DSCAML1: variants seen among roughly 807,000 people sequenced by gnomAD.
DSCAML1 encodes the protein cell adhesion molecule DSCAML1.
A neutral mutation model predicts 200.5 loss-of-function variants in DSCAML1; 38 were observed. The ratio of observed to expected loss-of-function variants is 0.19; its 90% CI spans 0.15 to 0.25. The LOEUF is 0.25. Ranked by LOEUF, DSCAML1 falls within the 10% of genes least tolerant of loss-of-function variation. DSCAML1 has a pLI of 1.00. For synonymous variants in DSCAML1, 1,215 were observed against 1,165.0 expected, an observed-to-expected ratio of 1.04 and a Z score of -0.87; for missense variants, 2,223 against 2,858.8, an observed-to-expected ratio of 0.78 and a Z score of 5.07.
intron 8 of DSCAML1, among the ~76,000 whole-genome samples, chr11:117,511,112 C>T (rs1012651267): frequency 3.9e-5 from 6 of 152,164 alleles, no homozygotes; most frequent in African/African-American, 9.7e-5. Context: ...CCCAGGCATA[C>T]GGCAGAGGCT....
rs1182016243 is a variant in DSCAML1, at chr11:117,504,798, T to G, written c.2182+126A>C. 1 of 1,325,714 alleles carries G rather than the reference T, an allele frequency of 7.5e-7. No individual in the cohort carries two copies. Among genetic ancestry groups the G allele is most frequent in the Non-Finnish European group, 9.9e-7 (1 of 1,014,886 alleles). The allele number at this position is 1,325,714 out of a possible 1,614,324, so 82.1% of individuals were successfully genotyped here. ...AGGTGTAGCCTGGGGTCCACTGGGG[T>G]GCAGACCAGAGGACTCCCATCCAGG... On this transcript the variant is annotated intron_variant, in intron 10 of 32. Coordinates refer to ENST00000651296, the MANE Select transcript of DSCAML1 (RefSeq NM_020693.4). This position sits in a 1 kb window ranked among gnomAD's most constrained non-coding sequence, Gnocchi z 5.0.
Position 117,780,908 on chromosome 11 carries a change from ACCTTCAAG to A in DSCAML1, c.47-106_47-99del. 1.0e-6 allele frequency: 1 copy of A among 955,240 alleles called. No individual in the cohort carries two copies. The highest frequency in any genetic ancestry group is 2.5e-5 in the South Asian group (1 of 39,698). 59.2% of individuals were successfully genotyped at this position (955,240 alleles called of 1,614,324 possible). A position where few individuals can be genotyped will look rare whatever the true frequency, so the allele number is the denominator to read the frequency against. The stretch of plus-strand genomic sequence containing the variant: ...GCGACAGGCTGCACTCATTCACCTG[ACCTTCAAG>A]CATCAGTCATTCAGTATGCACTTAT... On this transcript the variant is annotated intron_variant, in intron 1 of 32. Transcript: ENST00000651296. The surrounding 1 kb of genome is among the most constrained non-coding windows in gnomAD (Gnocchi z 4.8).
chr11:117,456,627 C>G (rs1323188662), intron 19 of DSCAML1, among the ~76,000 whole-genome samples: 1 of 151,182 alleles, frequency 6.6e-6, no homozygotes, highest in Non-Finnish European at 1.5e-5. Context: ...GTGGCCTGGG[C>G]TTCCCCTTGG....
At chr11:117,617,474 G>A (rs564229479) in intron 3 of DSCAML1, among the ~76,000 whole-genome samples, 18 of 152,182 alleles carry the variant, frequency 1.2e-4, no homozygotes, top group East Asian at 5.8e-4. Flanking sequence ...ATCTACACAC[G>A]GCACTGTGGG....
At chr11:117,607,330 G>A (rs1323538545) in intron 3 of DSCAML1, among the ~76,000 whole-genome samples, 1 of 152,206 alleles carries the variant, frequency 6.6e-6, no homozygotes, top group Non-Finnish European at 1.5e-5. Flanking sequence ...AGAGTGGGAG[G>A]TCAGGCTTGC....
chr11:117,643,461 C>A (rs2052453044), intron 3 of DSCAML1, among the ~76,000 whole-genome samples: 2 of 152,194 alleles, frequency 1.3e-5, no homozygotes, highest in African/African-American at 4.8e-5. Context: ...GTGAGGCTGA[C>A]CCTTCAAAGA....
At chr11:117,776,085 T>C (rs1246272712) in intron 3 of DSCAML1, among the ~76,000 whole-genome samples, 1 of 152,148 alleles carries the variant, frequency 6.6e-6, no homozygotes, top group Non-Finnish European at 1.5e-5. Context: ...AGAGGTATTT[T>C]AAAGACCCAA....
chr11:117,646,855 A>G (rs147175989), intron 3 of DSCAML1, among the ~76,000 whole-genome samples: 77 of 117,696 alleles, frequency 6.5e-4, no homozygotes, highest in Admixed American at 9.8e-4. Flanking sequence ...GAGAGAGAGG[A>G]AAAAAAAAAA....
At chr11:117,508,130 C>G (rs995581732) in intron 8 of DSCAML1, among the ~76,000 whole-genome samples, 2 of 152,102 alleles carry the variant, frequency 1.3e-5, no homozygotes, top group East Asian at 3.9e-4. Context: ...TTCCTTAGGC[C>G]TAGAAGAACC....
intron 1 of DSCAML1, among the ~76,000 whole-genome samples, chr11:117,804,419 A>G (rs1020529245): frequency 1.3e-5 from 2 of 152,206 alleles, no homozygotes; most frequent in Non-Finnish European, 2.9e-5. Flanking sequence ...ACAGTCATGT[A>G]CACATGCTTT....
chr11:117,568,593 C>T (rs547238552), intron 3 of DSCAML1, among the ~76,000 whole-genome samples: 74 of 151,638 alleles, frequency 4.9e-4, no homozygotes, highest in African/African-American at 1.8e-3. Context: ...GACAGAGAGC[C>T]AAATCATGAG....
intron 3 of DSCAML1, among the ~76,000 whole-genome samples, chr11:117,619,166 C>A (rs916750593): frequency 6.6e-6 from 1 of 152,220 alleles, no homozygotes; most frequent in Admixed American, 6.5e-5. Context: ...GCTGCCAAGT[C>A]GGCCCAGTGC....
chr11:117,720,083 C>T lies in DSCAML1; in HGVS notation c.511+56708G>A, dbSNP rs994094171. Among the ~76,000 whole-genome samples, 6 of 151,936 alleles carry T rather than the reference C, an allele frequency of 3.9e-5. No individual in the cohort carries two copies. In the East Asian group the frequency reaches 5.8e-4, roughly 15 times the overall value. ...TCCCGGCCCAGGCACTGGATCTCTCCGTGGAAGCTGGAAGGACAGAACCCC... is the reference window on the plus strand; with the variant it reads ...TCCCGGCCCAGGCACTGGATCTCTCTGTGGAAGCTGGAAGGACAGAACCCC... On this transcript the variant is annotated intron_variant, in intron 3 of 32. Transcript: ENST00000651296.
At chr11:117,497,375 C>A (rs749406352) in intron 11 of DSCAML1, among the ~76,000 whole-genome samples, 1 of 152,206 alleles carries the variant, frequency 6.6e-6, no homozygotes, top group Non-Finnish European at 1.5e-5. Flanking sequence ...CTCAGGGCTG[C>A]AGACCTCCTG....
At chr11:117,774,451 T>A (rs2055094674) in intron 3 of DSCAML1, among the ~76,000 whole-genome samples, 3 of 152,194 alleles carry the variant, frequency 2.0e-5, no homozygotes, top group Admixed American at 1.3e-4. Flanking sequence ...GTTCATATAT[T>A]GATTCATTTC....
Position 117,780,571 on chromosome 11 carries a change from T to C in DSCAML1, c.286A>G (p.Ile96Val), listed in dbSNP as rs2055236597. 6.4e-7 allele frequency: 1 copy of C among 1,569,112 alleles called. No homozygotes were observed. The highest frequency in any genetic ancestry group is 8.7e-7 in the Non-Finnish European group (1 of 1,155,928). Residue 96 changes from isoleucine (I) to valine (V), a missense_variant, in exon 2 of 33, where the codon ATC (isoleucine) becomes GTC (valine). Ile to Val is a conservative substitution (Grantham distance 29). Transcript: ENST00000651296. This position sits in a 1 kb window ranked among gnomAD's most constrained non-coding sequence, Gnocchi z 4.8. ...PFSPSAFNSF[I>V]HDNDYFCTAE... ...GTGCAGAAGTAGTCATTGTCGTGGA[T>C]AAAGCTATTGAAGGCGGAGGGGGAG...
At chr11:117,564,772 T>C (rs772034147) in intron 3 of DSCAML1, among the ~76,000 whole-genome samples, 1 of 148,856 alleles carries the variant, frequency 6.7e-6, no homozygotes. Context: ...TTTCTTTCTT[T>C]CTTCTTTCTT....
rs549415926 is a variant in DSCAML1 at position 117,606,764 on chromosome 11, A to G, written c.512-74242T>C. On this transcript the variant is annotated intron_variant, in intron 3 of 32. Coordinates refer to ENST00000651296, the MANE Select transcript of DSCAML1 (RefSeq NM_020693.4). Reference sequence around the variant, plus strand: ...CCTCTGTTGCACCGCAAATCTTGCAAATGTTAGCCCATCCCTGCATCTTGA... The same window carrying G: ...CCTCTGTTGCACCGCAAATCTTGCAGATGTTAGCCCATCCCTGCATCTTGA... Among the ~76,000 whole-genome samples the G allele has an allele frequency of 1.2e-4, 19 of 152,300 alleles. No homozygotes were observed. In the East Asian group the frequency reaches 3.5e-3, roughly 28 times the overall value.
At chr11:117,455,298 G>A (rs913975304) in intron 19 of DSCAML1, among the ~76,000 whole-genome samples, 8 of 152,112 alleles carry the variant, frequency 5.3e-5, no homozygotes, top group African/African-American at 1.4e-4. Flanking sequence ...TAACTTCCTC[G>A]TCTCTGCCTT....
Sources: gnomAD v4.1 joint callset for allele counts (sites outside exome capture counted in the v4.1 genomes callset) on GRCh38, gnomAD v4.1.1 for gene constraint, Gnocchi (gnomAD v3.1) non-coding constraint, MANE v1.5 for transcripts, NCBI Gene and HGNC (gene_info 2026-07-23, HGNC 2026-07-21) for gene names.